The following MEIS2 variants were observed in gnomAD, a reference collection of about 807,000 sequenced individuals.
MEIS2 encodes the protein homeobox protein Meis2.
Under a neutral mutation model 58.6 loss-of-function variants are expected in MEIS2, and 9 were observed. That is an observed-to-expected ratio of 0.15 (90% CI 0.09 to 0.27). The LOEUF (loss-of-function observed/expected upper bound fraction) is 0.27, where lower values mean the gene tolerates loss of function less well. Ranked by LOEUF, MEIS2 falls within the 10% of genes least tolerant of loss-of-function variation. The pLI is 1.00. For synonymous variants in MEIS2, 221 were observed against 228.4 expected (o/e 0.97, Z 0.29); for missense variants, 427 against 635.0 (o/e 0.67, Z 3.52).
chr15:36,985,514 T>A (rs1304968278), intron 8 of MEIS2, among the ~76,000 whole-genome samples: 1 of 152,176 alleles, frequency 6.6e-6, no homozygotes, highest in Non-Finnish European at 1.5e-5. Context: ...AATTGGAGCA[T>A]CCTCAGGTGT....
chr15:37,055,357 T>C (rs7168841), intron 7 of MEIS2, among the ~76,000 whole-genome samples: 34,965 of 152,134 alleles, frequency 0.23, 4,157 homozygotes, highest in East Asian at 0.31. Flanking sequence ...TGGCACATCA[T>C]AGGCACTGAT....
intron 11 of MEIS2, 87 bp downstream of exon 11, chr15:36,895,064 G>T: frequency 8.7e-7 from 1 of 1,147,476 alleles, no homozygotes; most frequent in Non-Finnish European, 1.3e-6. Context: ...AACCCACCAT[G>T]ACAGTGGGAT....
intron 9 of MEIS2, among the ~76,000 whole-genome samples, chr15:36,944,224 T>A (rs72708696): frequency 6.6e-6 from 1 of 152,240 alleles, no homozygotes; most frequent in Non-Finnish European, 1.5e-5. Flanking sequence ...CACTTAAATT[T>A]CAGGGCGATC....
chr15:37,022,897 C>A (rs1025806444), intron 8 of MEIS2, among the ~76,000 whole-genome samples: 1 of 152,116 alleles, frequency 6.6e-6, no homozygotes, highest in Non-Finnish European at 1.5e-5. Context: ...CCTCGTGATA[C>A]ACCCTCCTCG....
chr15:37,074,042 A>G (rs1364575686), intron 7 of MEIS2, among the ~76,000 whole-genome samples: 2 of 152,020 alleles, frequency 1.3e-5, no homozygotes, highest in Non-Finnish European at 2.9e-5. Flanking sequence ...GATTTGGAAC[A>G]TATTTCAGGA....
intron 8 of MEIS2, among the ~76,000 whole-genome samples, chr15:36,956,210 A>G (rs1038796738): frequency 3.7e-5 from 5 of 134,970 alleles, no homozygotes; most frequent in Non-Finnish European, 8.1e-5. Context: ...AAAAAAAAAA[A>G]GAGTCCAAAG....
intron 8 of MEIS2, among the ~76,000 whole-genome samples, chr15:37,000,726 T>A (rs1252159588): frequency 1.3e-5 from 2 of 152,168 alleles, no homozygotes; most frequent in Non-Finnish European, 2.9e-5. Context: ...CCCTTGAATT[T>A]TCAATCTCTT....
At chr15:37,100,595 G>A (rs1179006673), upstream of MEIS2, 2 of 143,896 alleles carry the variant, frequency 1.4e-5, no homozygotes, top group Non-Finnish European at 3.1e-5. Flanking sequence ...GGGGGGGCGG[G>A]AGGGGGAGGG....
At chr15:37,097,928 A>G in intron 2 of MEIS2, 39 bp downstream of exon 2, 1 of 1,550,122 alleles carries the variant, frequency 6.5e-7, no homozygotes, top group Non-Finnish European at 8.7e-7. Context: ...ACACTCTCAC[A>G]CTCACACACA....
rs75260125 is a variant in MEIS2, at chr15:36,946,387, C to T, written c.977+3937G>A. The stretch of plus-strand genomic sequence containing the variant: ...TTGAAGCCACTTACCTCCTACAGTT[C>T]CCTAATCTTACCTCCCTGCCATCAA... On this transcript the variant is annotated intron_variant, in intron 9 of 11. Transcript: ENST00000561208. Among the ~76,000 whole-genome samples, 930 of 151,104 alleles carry T rather than the reference C, an allele frequency of 6.2e-3. 35 individuals are homozygous for T. The highest frequency in any genetic ancestry group is 0.041 in the Admixed American group (623 of 15,158).
chr15:36,970,219 T>A (rs184438376), intron 8 of MEIS2, among the ~76,000 whole-genome samples: 1 of 151,990 alleles, frequency 6.6e-6, no homozygotes, highest in Non-Finnish European at 1.5e-5. Flanking sequence ...CTGGCTAACA[T>A]GGTGAAACCC....
chr15:37,001,254 T>C (rs1392527076), intron 8 of MEIS2, among the ~76,000 whole-genome samples: 1 of 152,098 alleles, frequency 6.6e-6, no homozygotes, highest in African/African-American at 2.4e-5. Context: ...CTAAGTATAC[T>C]TTCCCAAGGA....
At chr15:36,943,251 A>C (rs1049623519) in intron 9 of MEIS2, among the ~76,000 whole-genome samples, 1 of 152,132 alleles carries the variant, frequency 6.6e-6, no homozygotes, top group Admixed American at 6.6e-5. Context: ...TGTTACTTTG[A>C]GAAACCATGT....
intron 8 of MEIS2, among the ~76,000 whole-genome samples, chr15:36,987,299 T>G (rs573124171): frequency 6.6e-6 from 1 of 151,722 alleles, no homozygotes; most frequent in Admixed American, 6.6e-5. Context: ...TCGCAGCTAC[T>G]TGGGAGGCTA....
At chr15:37,002,794 T>C (rs1331323282) in intron 8 of MEIS2, among the ~76,000 whole-genome samples, 1 of 152,194 alleles carries the variant, frequency 6.6e-6, no homozygotes, top group Non-Finnish European at 1.5e-5. Context: ...AGTATTTCCA[T>C]TATATAGTTG....
At chr15:37,081,470 G>A (rs1892195776) in intron 7 of MEIS2, among the ~76,000 whole-genome samples, 1 of 152,122 alleles carries the variant, frequency 6.6e-6, no homozygotes, top group Admixed American at 6.6e-5. Context: ...GGACAATTCG[G>A]TGGGACAAAA....
chr15:37,090,086 T>C (rs923079832), intron 6 of MEIS2, among the ~76,000 whole-genome samples: 1 of 152,032 alleles, frequency 6.6e-6, no homozygotes, highest in Non-Finnish European at 1.5e-5. Context: ...GAAAACAGAG[T>C]TCTATTTCCT....
intron 7 of MEIS2, 37 bp downstream of exon 7, chr15:37,083,734 T>C (rs200458123): frequency 5.6e-5 from 88 of 1,559,568 alleles, no homozygotes; most frequent in Non-Finnish European, 7.6e-5. Context: ...ATTTTAGTCA[T>C]GCCTACTTTG....
chr15:36,894,930 A>G, intron 11 of MEIS2: 1 of 1,029,590 alleles, frequency 9.7e-7, no homozygotes, highest in South Asian at 1.3e-5. Flanking sequence ...AAGAAAAAAG[A>G]AAAAGGATGT....
Sources: allele counts gnomAD v4.1 joint callset (sites outside exome capture counted in the v4.1 genomes callset), GRCh38; gene constraint gnomAD v4.1.1; transcripts MANE v1.5; gene names NCBI Gene and HGNC (gene_info 2026-07-23, HGNC 2026-07-21).